The following PRKCB variants were observed in gnomAD, a reference collection of about 807,000 sequenced individuals.
PRKCB encodes the protein protein kinase C beta, also known as protein kinase C beta type.
A neutral mutation model predicts 81.5 loss-of-function variants in PRKCB; 13 were observed. The observed-to-expected ratio is 0.16, with a 90% CI of 0.10 to 0.25. PRKCB has a LOEUF of 0.25. PRKCB is among the 10% of genes least tolerant of loss of function. PRKCB has a pLI of 1.00. For missense variants in PRKCB, 509 were observed against 875.7 expected, an observed-to-expected ratio of 0.58 and a Z score of 5.29; for synonymous variants, 335 against 321.4, an observed-to-expected ratio of 1.04 and a Z score of -0.45.
intron 9 of PRKCB, among the ~76,000 whole-genome samples, chr16:24,136,095 T>TG (rs57881808): frequency 0.038 from 5,562 of 145,180 alleles, 400 homozygotes; most frequent in African/African-American, 0.13. Context: ...GATTGCAGCG[T>TG]GTTTTTTTTT....
intron 12 of PRKCB, among the ~76,000 whole-genome samples, chr16:24,178,184 G>A (rs1967564584): frequency 1.3e-5 from 2 of 152,188 alleles, no homozygotes; most frequent in East Asian, 1.9e-4. Context: ...GGGTTGTGGG[G>A]TGGGAAGGGA....
chr16:24,032,278 C>T, intron 4 of PRKCB, 31 bp downstream of exon 4: 1 of 1,497,218 alleles, frequency 6.7e-7, no homozygotes, highest in Non-Finnish European at 9.3e-7. Flanking sequence ...GGGGCATCTG[C>T]TGATGGCAGA....
intron 5 of PRKCB, among the ~76,000 whole-genome samples, chr16:24,059,618 G>A (rs1356220192): frequency 1.3e-5 from 2 of 152,210 alleles, no homozygotes; most frequent in Middle Eastern, 6.8e-3. Flanking sequence ...AGTAAGCTAT[G>A]ATCACAGCAC....
At chr16:24,212,539 C>T (rs1000027896) in intron 16 of PRKCB, among the ~76,000 whole-genome samples, 18 of 128,692 alleles carry the variant, frequency 1.4e-4, no homozygotes, top group Non-Finnish European at 2.5e-4. Context: ...TGCAGTGGTA[C>T]AATCCCTGCT....
At chr16:23,985,500 A>C (rs895662180) in intron 2 of PRKCB, among the ~76,000 whole-genome samples, 1 of 152,250 alleles carries the variant, frequency 6.6e-6, no homozygotes, top group East Asian at 1.9e-4. Flanking sequence ...TGCTAAAGGG[A>C]AAATGTGTAG....
At chr16:24,173,510 AT>A (rs1420402617) in intron 11 of PRKCB, among the ~76,000 whole-genome samples, 2 of 152,098 alleles carry the variant, frequency 1.3e-5, no homozygotes, top group African/African-American at 4.8e-5. Flanking sequence ...TAGGATTTGC[AT>A]TATTCTTGTG....
intron 5 of PRKCB, among the ~76,000 whole-genome samples, chr16:24,088,359 G>A (rs1222786990): frequency 2.6e-5 from 4 of 152,120 alleles, no homozygotes; most frequent in Non-Finnish European, 5.9e-5. Flanking sequence ...TAGAAGAAAG[G>A]ACCTATAAAG....
chr16:24,020,734 A>T (rs989438389), intron 3 of PRKCB, among the ~76,000 whole-genome samples: 4 of 152,140 alleles, frequency 2.6e-5, no homozygotes, highest in Non-Finnish European at 4.4e-5. Context: ...AACCTTGCCT[A>T]CCTACCCCAT....
At chr16:24,171,873 A>G (rs563032981) in intron 10 of PRKCB, among the ~76,000 whole-genome samples, 174 of 152,142 alleles carry the variant, frequency 1.1e-3, no homozygotes, top group Non-Finnish European at 2.0e-3. Context: ...AGCTGGGATT[A>G]CAGGTGCCTG....
chr16:24,147,546 A>G (rs1205322427), intron 9 of PRKCB, among the ~76,000 whole-genome samples: 1 of 152,198 alleles, frequency 6.6e-6, no homozygotes, highest in African/African-American at 2.4e-5. Flanking sequence ...TGTATAAGAA[A>G]TAGAAAAAGG....
chr16:23,882,058 TTCCTTTC>T (rs1474709927), intron 2 of PRKCB, among the ~76,000 whole-genome samples: 103 of 74,658 alleles, frequency 1.4e-3, no homozygotes, highest in Middle Eastern at 5.3e-3. Context: ...TCCTTCCTTC[TTCCTTTC>T]CTTTCTTTCT....
Position 23,839,325 on chromosome 16 carries a change from G to A in PRKCB, c.205+1919G>A, listed in dbSNP as rs1962226906. ...GTCTCACTCTTTTGCCCCGGCTGGA[G>A]TACAGTGGTATGATCAGAGCTCACT... On this transcript the variant is annotated intron_variant, in intron 2 of 16. Coordinates refer to ENST00000643927, the MANE Select transcript of PRKCB (RefSeq NM_002738.7). 4.7e-5 allele frequency among the ~76,000 whole-genome samples: 7 copies of A among 148,886 alleles called. 1 individual carries two copies. The highest frequency in any genetic ancestry group is 4.7e-4 in the Admixed American group (7 of 14,892).
At chr16:24,185,380 G>C in intron 14 of PRKCB, 80 bp from the exon 15 acceptor site, 1 of 1,359,230 alleles carries the variant, frequency 7.4e-7, no homozygotes, top group East Asian at 2.3e-5. Context: ...GCCCCAGGGA[G>C]GAGGGTCTGC....
intron 10 of PRKCB, among the ~76,000 whole-genome samples, chr16:24,157,862 C>T (rs772407960): frequency 4.0e-5 from 6 of 151,832 alleles, no homozygotes; most frequent in Admixed American, 6.6e-5. Flanking sequence ...CCTCTCTAGC[C>T]GTGCTGAACT....
Position 23,899,603 on chromosome 16 carries a change from ACTCTCT to A in PRKCB, c.205+62234_205+62239del, listed in dbSNP as rs370318979. ...CATTTGTAATTACTTATCCATAAGAACTCTCTCTCTCTCTCTCTCTCTCTCTCTCTC... is the reference window on the plus strand; with the variant it reads ...CATTTGTAATTACTTATCCATAAGAACTCTCTCTCTCTCTCTCTCTCTCTC... On this transcript the variant is annotated intron_variant, in intron 2 of 16. Transcript: ENST00000643927. 3.8e-3 allele frequency among the ~76,000 whole-genome samples: 174 copies of A among 45,608 alleles called. 23 individuals are homozygous for A. Among genetic ancestry groups the A allele is most frequent in the African/African-American group, 0.011 (163 of 14,638 alleles). 29.9% of individuals were successfully genotyped at this position (45,608 alleles called of 152,430 possible). A position where few individuals can be genotyped will look rare whatever the true frequency, so the allele number is the denominator to read the frequency against.
intron 5 of PRKCB, among the ~76,000 whole-genome samples, chr16:24,050,913 G>T (rs1401094587): frequency 6.6e-6 from 1 of 151,888 alleles, no homozygotes; most frequent in Non-Finnish European, 1.5e-5. Context: ...CTGCTAGCCT[G>T]CAGGCCCCAC....
intron 3 of PRKCB, among the ~76,000 whole-genome samples, chr16:24,020,991 T>TC (rs1011172351): frequency 7.8e-6 from 1 of 127,612 alleles, no homozygotes; most frequent in Non-Finnish European, 1.7e-5. Context: ...TTTCTTTCTT[T>TC]CTTTCTTTCT....
At chr16:23,950,134 T>G (rs12919560) in intron 2 of PRKCB, among the ~76,000 whole-genome samples, 2,037 of 126,298 alleles carry the variant, frequency 0.016, 360 homozygotes, top group African/African-American at 0.03. Context: ...TGATTTGAAT[T>G]TTTTTTTTTT....
intron 9 of PRKCB, among the ~76,000 whole-genome samples, chr16:24,143,235 C>A (rs1349595130): frequency 6.6e-6 from 1 of 152,094 alleles, no homozygotes; most frequent in Non-Finnish European, 1.5e-5. Flanking sequence ...TTGGTTCAAG[C>A]GAGTCTCCTG....
Sources: gnomAD v4.1 joint callset for allele counts (sites outside exome capture counted in the v4.1 genomes callset) on GRCh38, gnomAD v4.1.1 for gene constraint, MANE v1.5 for transcripts, NCBI Gene and HGNC (gene_info 2026-07-23, HGNC 2026-07-21) for gene names.